NEGR1: variants seen among roughly 807,000 people sequenced by gnomAD.
NEGR1 encodes the protein IgLON family member 4.
NEGR1 carries 10 observed loss-of-function variants against 40.9 expected under a neutral mutation model. That is an observed-to-expected ratio of 0.24 (90% CI 0.15 to 0.42). The LOEUF (loss-of-function observed/expected upper bound fraction) is 0.42, where lower values mean the gene tolerates loss of function less well. Ranked by LOEUF, NEGR1 falls within the 10% of genes least tolerant of loss-of-function variation. The probability of loss-of-function intolerance (pLI) is 1.00; values close to 1 mark genes in which losing one functional copy is unlikely to be tolerated. For synonymous variants in NEGR1, 185 were observed against 166.8 expected (o/e 1.11, Z -0.84); for missense variants, 352 against 438.9 (o/e 0.80, Z 1.77).
chr1:72,034,229 C>T (rs3128557), intron 1 of NEGR1, among the ~76,000 whole-genome samples: 1 of 151,986 alleles, frequency 6.6e-6, no homozygotes, highest in African/African-American at 2.4e-5. Context: ...TAGTGGTCCT[C>T]GCCAAAACCA....
intron 4 of NEGR1, among the ~76,000 whole-genome samples, chr1:71,628,097 T>C (rs1650846203): frequency 6.6e-6 from 1 of 152,078 alleles, no homozygotes; most frequent in Non-Finnish European, 1.5e-5. Flanking sequence ...TGAAAATTAC[T>C]TTCTATTTTT....
intron 1 of NEGR1, among the ~76,000 whole-genome samples, chr1:72,008,345 T>C (rs1010591969): frequency 6.6e-6 from 1 of 152,118 alleles, no homozygotes; most frequent in Admixed American, 6.6e-5. Context: ...AGAAAGGTTT[T>C]TCTATCTAAT....
At chr1:71,694,458 C>A (rs1262193495) in intron 4 of NEGR1, among the ~76,000 whole-genome samples, 1 of 151,668 alleles carries the variant, frequency 6.6e-6, no homozygotes, top group African/African-American at 2.4e-5. Context: ...TTAAAAATTT[C>A]TTTCTATCTA....
chr1:71,564,964 T>C (rs942164296), intron 6 of NEGR1, among the ~76,000 whole-genome samples: 1 of 152,098 alleles, frequency 6.6e-6, no homozygotes, highest in African/African-American at 2.4e-5. Flanking sequence ...TCATACTGCT[T>C]CAAAGAGGAA....
At chr1:72,144,477 G>A (rs1354003850) in intron 1 of NEGR1, among the ~76,000 whole-genome samples, 1 of 94,028 alleles carries the variant, frequency 1.1e-5, no homozygotes, top group African/African-American at 3.0e-5. Context: ...AACTGTAAAT[G>A]CTATGGGATA....
chr1:71,971,157 C>T (rs1646252990), intron 1 of NEGR1, among the ~76,000 whole-genome samples: 1 of 152,176 alleles, frequency 6.6e-6, no homozygotes, highest in Non-Finnish European at 1.5e-5. Flanking sequence ...ATGTGTGAAG[C>T]CACCAGAACC....
At chr1:71,473,111 A>G (rs898011609) in intron 6 of NEGR1, among the ~76,000 whole-genome samples, 3 of 152,100 alleles carry the variant, frequency 2.0e-5, no homozygotes, top group African/African-American at 7.2e-5. Context: ...AGAAAATGGA[A>G]TAACAGGAAA....
chr1:72,194,011 C>G (rs1652913542), intron 1 of NEGR1, among the ~76,000 whole-genome samples: 1 of 151,594 alleles, frequency 6.6e-6, no homozygotes, highest in Non-Finnish European at 1.5e-5. Flanking sequence ...CAATGAGCAA[C>G]AACTTTATAC....
chr1:71,917,564 G>A (rs1385631143), intron 2 of NEGR1, among the ~76,000 whole-genome samples: 1 of 151,908 alleles, frequency 6.6e-6, no homozygotes, highest in Non-Finnish European at 1.5e-5. Flanking sequence ...GCGGAGGCGG[G>A]CGGATCACGA....
At chr1:71,438,161 A>G (rs1412194161) in intron 6 of NEGR1, among the ~76,000 whole-genome samples, 8 of 152,208 alleles carry the variant, frequency 5.3e-5, no homozygotes, top group African/African-American at 1.7e-4. Context: ...ATGTTTATGT[A>G]TTCTTTATAA....
At chr1:72,152,852 G>T (rs574820929) in intron 1 of NEGR1, among the ~76,000 whole-genome samples, 46 of 151,784 alleles carry the variant, frequency 3.0e-4, no homozygotes, top group African/African-American at 1.0e-3. Flanking sequence ...TGCAGTCAGG[G>T]GTCAAATCCT....
At chr1:71,978,655 G>C (rs1450843391) in intron 1 of NEGR1, among the ~76,000 whole-genome samples, 2 of 151,892 alleles carry the variant, frequency 1.3e-5, no homozygotes, top group African/African-American at 4.8e-5. Context: ...ACCACAATGA[G>C]ATACCACCTC....
rs10604833 is a variant in NEGR1, at chr1:71,988,923, T to TAAAAAAAAAA, written c.177-53622_177-53613dup. On this transcript the variant is annotated intron_variant, in intron 1 of 6. Coordinates refer to ENST00000357731, the MANE Select transcript of NEGR1 (RefSeq NM_173808.3). ...CAATGAGCTCTATCATATTGGATGTTAAAAAAAAAAAAAAAAAAAAAAAAA... is the reference window on the plus strand; with the variant it reads ...CAATGAGCTCTATCATATTGGATGTTAAAAAAAAAAAAAAAAAAAAAAAAAAAAAAAAAAA... 8.0e-4 allele frequency among the ~76,000 whole-genome samples: 66 copies of TAAAAAAAAAA among 82,226 alleles called. 2 individuals are homozygous for TAAAAAAAAAA. The highest frequency in any genetic ancestry group is 3.8e-3 in the African/African-American group (66 of 17,432). 53.9% of individuals were successfully genotyped at this position (82,226 alleles called of 152,430 possible).
chr1:71,465,302 C>T (rs1327190835), intron 6 of NEGR1, among the ~76,000 whole-genome samples: 2 of 152,038 alleles, frequency 1.3e-5, no homozygotes, highest in Non-Finnish European at 1.5e-5. Flanking sequence ...CAGTCTCTGC[C>T]TTGATGGAGC....
chr1:71,906,876 A>C (rs1337924455), intron 2 of NEGR1, among the ~76,000 whole-genome samples: 1 of 152,160 alleles, frequency 6.6e-6, no homozygotes, highest in African/African-American at 2.4e-5. Context: ...ACCTAGCCTG[A>C]GGGACAATTA....
chr1:72,214,956 C>T (rs1232564582), intron 1 of NEGR1, among the ~76,000 whole-genome samples: 1 of 151,792 alleles, frequency 6.6e-6, no homozygotes, highest in Admixed American at 6.6e-5. Context: ...ATCATGCTAC[C>T]TGAATTCAAA....
At chr1:71,697,921 A>C in intron 4 of NEGR1, 87 bp downstream of exon 4, 1 of 1,342,950 alleles carries the variant, frequency 7.4e-7, no homozygotes, top group Non-Finnish European at 1.0e-6. Flanking sequence ...AACCTCTTAA[A>C]AACAGCAACA....
At chr1:72,242,627 T>C (rs1276368407) in intron 1 of NEGR1, among the ~76,000 whole-genome samples, 1 of 151,646 alleles carries the variant, frequency 6.6e-6, no homozygotes, top group East Asian at 1.9e-4. Context: ...ATATATAAAG[T>C]ATACTTATAT....
intron 1 of NEGR1, among the ~76,000 whole-genome samples, chr1:71,991,118 A>G (rs1460669415): frequency 6.6e-6 from 1 of 152,090 alleles, no homozygotes; most frequent in Non-Finnish European, 1.5e-5. Flanking sequence ...TTCTCAAAAT[A>G]AAAACTTCTT....
Sources: gnomAD v4.1 joint callset for allele counts (sites outside exome capture counted in the v4.1 genomes callset) on GRCh38, gnomAD v4.1.1 for gene constraint, MANE v1.5 for transcripts, NCBI Gene and HGNC (gene_info 2026-07-23, HGNC 2026-07-21) for gene names.